SPATA6: variants seen among roughly 807,000 people sequenced by gnomAD.
The protein encoded by SPATA6 is spermatogenesis associated 6.
Under a neutral mutation model 65.3 loss-of-function variants are expected in SPATA6, and 56 were observed. The ratio of observed to expected loss-of-function variants is 0.86; its 90% CI spans 0.69 to 1.07. The LOEUF is 1.07. SPATA6 is among the 50% of genes least tolerant of loss of function. SPATA6 has a pLI of 0.00. For missense variants in SPATA6, 590 were observed against 594.8 expected, an observed-to-expected ratio of 0.99 and a Z score of 0.08; for synonymous variants, 199 against 213.2, an observed-to-expected ratio of 0.93 and a Z score of 0.58.
chr1:48,362,868 G>A (rs1189639216), intron 9 of SPATA6, among the ~76,000 whole-genome samples: 2 of 152,100 alleles, frequency 1.3e-5, no homozygotes, highest in Non-Finnish European at 2.9e-5. Context: ...ATATCATAGA[G>A]GTGGGAGGGA....
intron 1 of SPATA6, among the ~76,000 whole-genome samples, chr1:48,453,604 C>T (rs1233268256): frequency 3.3e-5 from 5 of 152,196 alleles, no homozygotes; most frequent in Non-Finnish European, 7.3e-5. Context: ...CATCAAAAGT[C>T]ATATGACAAA....
chr1:48,387,168 G>A (rs1044502395), intron 8 of SPATA6, among the ~76,000 whole-genome samples: 8 of 152,088 alleles, frequency 5.3e-5, no homozygotes, highest in African/African-American at 1.4e-4. Flanking sequence ...ATTAGATCTC[G>A]TGAGACTTAC....
chr1:48,410,253 T>C (rs188572661), intron 5 of SPATA6, among the ~76,000 whole-genome samples: 15 of 152,330 alleles, frequency 9.8e-5, no homozygotes, highest in Non-Finnish European at 1.8e-4. Flanking sequence ...CCACTCTCTT[T>C]GCTAAAGCAT....
intron 11 of SPATA6, among the ~76,000 whole-genome samples, chr1:48,345,874 C>T (rs1646350740): frequency 6.6e-6 from 1 of 151,830 alleles, no homozygotes; most frequent in Admixed American, 6.6e-5. Flanking sequence ...AACAAAAAAC[C>T]TCAGGCCAGA....
intron 8 of SPATA6, among the ~76,000 whole-genome samples, chr1:48,387,977 C>T (rs542319759): frequency 6.6e-6 from 1 of 152,268 alleles, no homozygotes; most frequent in East Asian, 1.9e-4. Flanking sequence ...ATCTGCCTGG[C>T]CCATGATGGC....
In SPATA6 at chr1:48,435,345, G is replaced by A. The variant is rs913671187; in HGVS notation, c.238+16207C>T. ...TGTGTCTAGCTAAAGGATTGTAAAT[G>A]CACCAATCAGCACTCTGTAAAGACA... On this transcript the variant is annotated intron_variant, in intron 3 of 12. Transcript: ENST00000371847. Among the ~76,000 whole-genome samples, 4 of 151,716 alleles carry A rather than the reference G, an allele frequency of 2.6e-5. No homozygotes were observed. The East Asian group carries it at 5.9e-4, about 22-fold the overall frequency.
chr1:48,408,802 A>G (rs1189353224), intron 5 of SPATA6, among the ~76,000 whole-genome samples: 1 of 152,184 alleles, frequency 6.6e-6, no homozygotes, highest in African/African-American at 2.4e-5. Flanking sequence ...TTAAACCATC[A>G]GATCTCATGA....
chr1:48,434,540 A>G (rs1654709891), intron 3 of SPATA6, among the ~76,000 whole-genome samples: 1 of 152,162 alleles, frequency 6.6e-6, no homozygotes, highest in South Asian at 2.1e-4. Flanking sequence ...GCTGTTTTAT[A>G]TATGTTGGTA....
At position 48,380,666 on chromosome 1, in the gene SPATA6, T is replaced by A. The variant is rs541658519; in HGVS notation, c.909+4643A>T. Among the ~76,000 whole-genome samples the A allele has an allele frequency of 2.6e-5, 4 of 152,342 alleles. No individual in the cohort carries two copies. In the South Asian group the frequency reaches 8.3e-4, roughly 32 times the overall value. On this transcript the variant is annotated intron_variant, in intron 9 of 12. Coordinates refer to ENST00000371847, the MANE Select transcript of SPATA6 (RefSeq NM_019073.4). Reference sequence around the variant, plus strand: ...TCCTACTATATGTCAGATAATATGCTAGGTACTACCAATTATTATCAATAA... The same window carrying A: ...TCCTACTATATGTCAGATAATATGCAAGGTACTACCAATTATTATCAATAA...
At chr1:48,318,469 A>G (rs1645504373) in intron 11 of SPATA6, among the ~76,000 whole-genome samples, 1 of 152,182 alleles carries the variant, frequency 6.6e-6, no homozygotes, top group Non-Finnish European at 1.5e-5. Context: ...TTGTATTCCT[A>G]AACACTATCA....
rs571979056 is a variant in SPATA6, at chr1:48,466,369, A to T, written c.51+5589T>A. On this transcript the variant is annotated intron_variant, in intron 1 of 12. Transcript: ENST00000371847. ...GGTTGCAGAAGGATACATACAAGTA[A>T]GATACTATTTGTGCAAAATTTAAAA... 8.5e-5 allele frequency among the ~76,000 whole-genome samples: 13 copies of T among 152,282 alleles called. No individual in the cohort carries two copies. In the South Asian group the frequency reaches 1.2e-3, roughly 15 times the overall value.
intron 12 of SPATA6, among the ~76,000 whole-genome samples, chr1:48,299,155 G>T (rs1354793785): frequency 6.6e-6 from 1 of 151,978 alleles, no homozygotes; most frequent in East Asian, 1.9e-4. Flanking sequence ...ACAGACACAG[G>T]TACAGCATAA....
In SPATA6 at chr1:48,316,455, A is replaced by G. The variant is rs374359175; in HGVS notation, c.1195-10577T>C. ...GGAAAGGATTCCCTATTTAATAAAT[A>G]GTGCTGGGAAAACTGGCTAGCCATA... On this transcript the variant is annotated intron_variant, in intron 11 of 12. Coordinates refer to ENST00000371847, the MANE Select transcript of SPATA6 (RefSeq NM_019073.4). 5.0e-4 allele frequency among the ~76,000 whole-genome samples: 76 copies of G among 152,124 alleles called. 2 individuals are homozygous for G. Among genetic ancestry groups the G allele is most frequent in the Non-Finnish European group, 2.5e-4 (17 of 67,982 alleles).
chr1:48,273,895 C>A, the SPATA6 span, among the ~76,000 whole-genome samples: 2 of 152,294 alleles, frequency 1.3e-5, no homozygotes, highest in South Asian at 4.1e-4. Flanking sequence ...ATTGCTGGTT[C>A]TAGATCCTTG....
intron 9 of SPATA6, among the ~76,000 whole-genome samples, chr1:48,373,472 T>C (rs1383430133): frequency 6.6e-6 from 1 of 152,208 alleles, no homozygotes. Context: ...GTTCCAAACT[T>C]TCCCACATTT....
At chr1:48,443,214 T>C (rs1383796410) in intron 3 of SPATA6, among the ~76,000 whole-genome samples, 4 of 152,188 alleles carry the variant, frequency 2.6e-5, no homozygotes, top group Non-Finnish European at 5.9e-5. Flanking sequence ...GAGGTTTTAT[T>C]AATAGCAAAG....
chr1:48,294,500 T>C (rs977645433), downstream of SPATA6, among the ~76,000 whole-genome samples: 2 of 152,232 alleles, frequency 1.3e-5, no homozygotes. Flanking sequence ...TGGTCACATA[T>C]AAATTAGGAG....
the SPATA6 span, among the ~76,000 whole-genome samples, chr1:48,274,329 G>A: frequency 6.6e-6 from 1 of 152,146 alleles, no homozygotes; most frequent in African/African-American, 2.4e-5. Flanking sequence ...TTATTGTGCA[G>A]AAGTTCTTTA....
the SPATA6 span, among the ~76,000 whole-genome samples, chr1:48,272,720 T>C: frequency 1.3e-5 from 2 of 152,162 alleles, no homozygotes; most frequent in South Asian, 2.1e-4. Flanking sequence ...TGTTGGATCA[T>C]ATGATAGTTC....
Sources: allele counts gnomAD v4.1 joint callset (sites outside exome capture counted in the v4.1 genomes callset), GRCh38; gene constraint gnomAD v4.1.1; transcripts MANE v1.5; gene names NCBI Gene and HGNC (gene_info 2026-07-23, HGNC 2026-07-21).